ZRANB3: variants seen among roughly 807,000 people sequenced by gnomAD.
The protein encoded by ZRANB3 is zinc finger RANBP2-type containing 3, also known as DNA annealing helicase and endonuclease ZRANB3.
Under a neutral mutation model 133.8 loss-of-function variants are expected in ZRANB3, and 125 were observed. The ratio of observed to expected loss-of-function variants is 0.93; its 90% CI spans 0.81 to 1.08. The LOEUF is 1.08. ZRANB3 is among the 50% of genes least tolerant of loss of function. The probability of loss-of-function intolerance (pLI) is 0.00; values close to 1 mark genes in which losing one functional copy is unlikely to be tolerated. For synonymous variants in ZRANB3, 387 were observed against 432.7 expected, an observed-to-expected ratio of 0.89 and a Z score of 1.31; for missense variants, 1,229 against 1,275.5, an observed-to-expected ratio of 0.96 and a Z score of 0.56.
intron 3 of ZRANB3, among the ~76,000 whole-genome samples, chr2:135,377,003 G>C (rs758125273): frequency 2.6e-5 from 4 of 152,178 alleles, no homozygotes; most frequent in Non-Finnish European, 5.9e-5. Flanking sequence ...TAAGAATAAA[G>C]TCAAAAGGAA....
At chr2:135,267,191 T>G (rs1489998942) in intron 11 of ZRANB3, among the ~76,000 whole-genome samples, 1 of 152,210 alleles carries the variant, frequency 6.6e-6, no homozygotes, top group Non-Finnish European at 1.5e-5. Context: ...GTAAAGAAAA[T>G]GAACTTATTT....
rs1331041058 is a variant in ZRANB3 at position 135,390,336 on chromosome 2, C to T, written c.180+466G>A. Among the ~76,000 whole-genome samples the T allele has an allele frequency of 3.3e-5, 5 of 152,062 alleles. No homozygotes were observed. In the East Asian group the frequency reaches 5.8e-4, roughly 18 times the overall value. Reference sequence around the variant, plus strand: ...GAGCCTCCATTTCAGAGAGAAAACACGAATAGGGATACATATAAGCACATG... The same window carrying T: ...GAGCCTCCATTTCAGAGAGAAAACATGAATAGGGATACATATAAGCACATG... On this transcript the variant is annotated intron_variant, in intron 3 of 20. Coordinates refer to ENST00000264159, the MANE Select transcript of ZRANB3 (RefSeq NM_032143.4).
At chr2:135,525,599 G>A (rs1321180828) in intron 1 of ZRANB3, among the ~76,000 whole-genome samples, 1 of 152,206 alleles carries the variant, frequency 6.6e-6, no homozygotes, top group Non-Finnish European at 1.5e-5. Flanking sequence ...TGTAATCCCA[G>A]CACTGTGGGA....
chr2:135,473,594 G>T (rs962918111), intron 2 of ZRANB3, among the ~76,000 whole-genome samples: 1 of 151,474 alleles, frequency 6.6e-6, no homozygotes, highest in Non-Finnish European at 1.5e-5. Flanking sequence ...ATACACATTC[G>T]ATTTTAAAAT....
intron 2 of ZRANB3, among the ~76,000 whole-genome samples, chr2:135,461,097 T>C (rs960086350): frequency 3.3e-5 from 5 of 152,222 alleles, no homozygotes; most frequent in African/African-American, 1.2e-4. Context: ...AGAACAGGCC[T>C]GAAAATGACC....
chr2:135,454,180 G>C (rs1690394555), intron 2 of ZRANB3, among the ~76,000 whole-genome samples: 1 of 152,114 alleles, frequency 6.6e-6, no homozygotes, highest in Admixed American at 6.5e-5. Flanking sequence ...CCTCCCACTG[G>C]GTCCCTTCCA....
intron 9 of ZRANB3, among the ~76,000 whole-genome samples, chr2:135,274,823 G>C (rs1452549729): frequency 6.6e-6 from 1 of 152,074 alleles, no homozygotes; most frequent in African/African-American, 2.4e-5. Context: ...GAGTGGTGAT[G>C]ACTCTTAACG....
intron 8 of ZRANB3, among the ~76,000 whole-genome samples, chr2:135,293,191 G>C (rs1331507287): frequency 8.5e-5 from 13 of 152,264 alleles, no homozygotes; most frequent in African/African-American, 1.4e-4. Context: ...TGGGCAGTAT[G>C]GCCATTTTCA....
At position 135,482,280 on chromosome 2, in the gene ZRANB3, C is replaced by T. The variant is rs977240672; in HGVS notation, c.161+22049G>A. ...ATGTTCTTCCATTTGTTTGTATCCT[C>T]TTTTATTTCGTTGAGCAGTGGTTTG... On this transcript the variant is annotated intron_variant, in intron 2 of 20. Coordinates refer to ENST00000264159, the MANE Select transcript of ZRANB3 (RefSeq NM_032143.4). 2.1e-4 allele frequency among the ~76,000 whole-genome samples: 28 copies of T among 131,428 alleles called. 1 individual carries two copies. Among genetic ancestry groups the T allele is most frequent in the Admixed American group, 2.1e-3 (28 of 13,146 alleles). The allele number at this position is 131,428 out of a possible 152,430, so 86.2% of individuals were successfully genotyped here. A position where few individuals can be genotyped will look rare whatever the true frequency, so the allele number is the denominator to read the frequency against.
intron 8 of ZRANB3, among the ~76,000 whole-genome samples, chr2:135,310,856 G>T (rs1032200383): frequency 2.6e-5 from 4 of 151,722 alleles, no homozygotes; most frequent in South Asian, 4.2e-4. Flanking sequence ...ATTTGATTAA[G>T]TAGCACATGA....
intron 2 of ZRANB3, among the ~76,000 whole-genome samples, chr2:135,395,457 T>TTG (rs1687447656): frequency 6.6e-6 from 1 of 151,262 alleles, no homozygotes; most frequent in African/African-American, 2.4e-5. Flanking sequence ...TTTTTTTTTT[T>TTG]TTAATTTTTT....
intron 1 of ZRANB3, among the ~76,000 whole-genome samples, chr2:135,516,263 G>A (rs1330727665): frequency 2.0e-5 from 3 of 150,954 alleles, no homozygotes; most frequent in Admixed American, 2.0e-4. Context: ...TTTCAATTGG[G>A]GCATTTAAGG....
intron 6 of ZRANB3, among the ~76,000 whole-genome samples, chr2:135,334,712 G>A (rs1684293831): frequency 6.6e-6 from 1 of 151,812 alleles, no homozygotes; most frequent in South Asian, 2.1e-4. Context: ...TGGCTAACAT[G>A]GTGAAACCCC....
intron 8 of ZRANB3, among the ~76,000 whole-genome samples, chr2:135,290,952 G>C (rs565327473): frequency 1.3e-5 from 2 of 152,184 alleles, no homozygotes; most frequent in South Asian, 2.1e-4. Context: ...ACCCAGGCTG[G>C]AGTGCAGTGG....
intron 2 of ZRANB3, among the ~76,000 whole-genome samples, chr2:135,414,293 G>A (rs1427188920): frequency 6.6e-6 from 1 of 151,914 alleles, no homozygotes; most frequent in Non-Finnish European, 1.5e-5. Context: ...AAAAAGGCAG[G>A]GGTTGCAATC....
chr2:135,356,462 T>G (rs770305626), intron 3 of ZRANB3, among the ~76,000 whole-genome samples: 8 of 152,142 alleles, frequency 5.3e-5, no homozygotes, highest in Non-Finnish European at 1.2e-4. Context: ...AGTTTTAGGT[T>G]GACGACAGGC....
At chr2:135,303,514 T>A (rs2104811479) in intron 8 of ZRANB3, among the ~76,000 whole-genome samples, 1 of 152,298 alleles carries the variant, frequency 6.6e-6, no homozygotes, top group South Asian at 2.1e-4. Flanking sequence ...TCTTAACAGA[T>A]CAACTGACAA....
chr2:135,483,021 A>G (rs371272144), intron 2 of ZRANB3, among the ~76,000 whole-genome samples: 8 of 152,070 alleles, frequency 5.3e-5, no homozygotes, highest in South Asian at 2.1e-4. Flanking sequence ...CGGTTTGCCA[A>G]TATTTTATTG....
intron 2 of ZRANB3, among the ~76,000 whole-genome samples, chr2:135,499,525 C>T (rs1467950193): frequency 2.6e-5 from 4 of 151,772 alleles, no homozygotes; most frequent in Non-Finnish European, 2.9e-5. Flanking sequence ...AATAGACAAT[C>T]CAGAAGAAAA....
Sources: gnomAD v4.1 joint callset for allele counts (sites outside exome capture counted in the v4.1 genomes callset) on GRCh38, gnomAD v4.1.1 for gene constraint, MANE v1.5 for transcripts, NCBI Gene and HGNC (gene_info 2026-07-23, HGNC 2026-07-21) for gene names.